The following ZNF451 variants were observed in gnomAD, a reference collection of about 807,000 sequenced individuals.
ZNF451 encodes the protein zinc finger protein 451, also known as E3 SUMO-protein ligase ZNF451.
In ZNF451, 80 loss-of-function variants were observed where a neutral mutation model predicts 107.1. The observed-to-expected ratio is 0.75, with a 90% CI of 0.62 to 0.90. ZNF451 has a LOEUF of 0.90. Ranked by LOEUF, ZNF451 falls within the 40% of genes least tolerant of loss-of-function variation. The pLI is 0.00. For synonymous variants in ZNF451, 362 were observed against 406.5 expected (o/e 0.89, Z 1.32); for missense variants, 1,107 against 1,236.2 (o/e 0.90, Z 1.57).
At chr6:57,160,507 G>C (rs1253148755) in intron 13 of ZNF451, among the ~76,000 whole-genome samples, 1 of 151,946 alleles carries the variant, frequency 6.6e-6, no homozygotes, top group Admixed American at 6.6e-5. Flanking sequence ...CTAATTTTTT[G>C]TATTTTTGGT....
intron 3 of ZNF451, among the ~76,000 whole-genome samples, chr6:57,122,286 C>G (rs984841142): frequency 2.0e-5 from 3 of 151,966 alleles, no homozygotes; most frequent in Admixed American, 1.3e-4. Context: ...AGAGGCAAAC[C>G]TAGGAAATAC....
intron 13 of ZNF451, among the ~76,000 whole-genome samples, chr6:57,157,885 T>C (rs138046334): frequency 4.3e-4 from 65 of 152,358 alleles, no homozygotes; most frequent in African/African-American, 1.5e-3. Flanking sequence ...AACTTTTTAA[T>C]TGAAAAAAGT....
chr6:57,111,180 C>G (rs529806327), intron 3 of ZNF451, among the ~76,000 whole-genome samples: 1 of 152,016 alleles, frequency 6.6e-6, no homozygotes. Context: ...TTTGGCCTCC[C>G]GAAGTGCTGG....
chr6:57,148,413 CAAAGA>C lies in ZNF451; in HGVS notation c.2334_2338del (p.Lys779Ter). The C allele has an allele frequency of 6.2e-7, 1 of 1,613,814 alleles. No individual in the cohort carries two copies. The highest frequency in any genetic ancestry group is 8.5e-7 in the Non-Finnish European group (1 of 1,179,860). On this transcript the variant is annotated frameshift_variant, in exon 10 of 15. Transcript: ENST00000370706. LOFTEE classifies it high-confidence loss of function. The stretch of plus-strand genomic sequence containing the variant: ...TGAACACTCATATCCATCAAGTGCA[CAAAGA>C]AAAGAGTGATGAGGAGGAGCAGCAG...
chr6:57,119,028 G>A (rs1830506110), intron 3 of ZNF451, among the ~76,000 whole-genome samples: 2 of 152,120 alleles, frequency 1.3e-5, no homozygotes, highest in South Asian at 4.1e-4. Flanking sequence ...CAAAGGTGTA[G>A]CCTCATACTG....
chr6:57,167,277 T>C (rs1346025322), intron 14 of ZNF451, among the ~76,000 whole-genome samples: 1 of 152,214 alleles, frequency 6.6e-6, no homozygotes, highest in South Asian at 2.1e-4. Context: ...ACCTTTGTTA[T>C]AAATCCAGTG....
intron 3 of ZNF451, chr6:57,108,680 A>G (rs1054039970): frequency 3.9e-5 from 38 of 985,208 alleles, no homozygotes; most frequent in South Asian, 2.3e-4. Context: ...AACAGCTTCT[A>G]TATATTCTGA....
intron 6 of ZNF451, among the ~76,000 whole-genome samples, chr6:57,133,613 TTAA>T (rs1831286517): frequency 6.6e-6 from 1 of 152,230 alleles, no homozygotes; most frequent in Non-Finnish European, 1.5e-5. Context: ...GTAAGCAAAA[TTAA>T]TAATAAAAAT....
chr6:57,104,029 A>G, intron 3 of ZNF451: 1 of 985,138 alleles, frequency 1.0e-6, no homozygotes, highest in Non-Finnish European at 1.2e-6. Context: ...AACTAGTCTT[A>G]ATAAAGGGGA....
chr6:57,126,695 C>G (rs1011698656), intron 4 of ZNF451: 1 of 152,056 alleles, frequency 6.6e-6, no homozygotes, highest in Non-Finnish European at 1.5e-5. Context: ...ACAAGGTGGA[C>G]AGATCACCTG....
intron 3 of ZNF451, among the ~76,000 whole-genome samples, chr6:57,112,141 G>C (rs1405821257): frequency 6.6e-6 from 1 of 152,106 alleles, no homozygotes; most frequent in East Asian, 1.9e-4. Flanking sequence ...GTGTTATTTG[G>C]GATACGGGTT....
intron 12 of ZNF451, among the ~76,000 whole-genome samples, chr6:57,153,073 C>T (rs374912550): frequency 1.7e-4 from 26 of 152,102 alleles, no homozygotes; most frequent in South Asian, 1.0e-3. Flanking sequence ...TGGGGACTTA[C>T]ATGTCACACT....
In ZNF451 at chr6:57,133,037, T is replaced by C; in HGVS notation, c.425-5T>C. On this transcript the variant is annotated splice_region_variant and splice_polypyrimidine_tract_variant and intron_variant, in intron 5 of 14. Coordinates refer to ENST00000370706, the MANE Select transcript of ZNF451 (RefSeq NM_001031623.3). ...AACCTAAGAATTCATATTCTGATGA[T>C]GCAGGACTCAAAACAGGCACAATTA... 1 of 1,614,072 alleles carries C rather than the reference T, an allele frequency of 6.2e-7. No homozygotes were observed. The highest frequency in any genetic ancestry group is 8.5e-7 in the Non-Finnish European group (1 of 1,179,948).
intron 2 of ZNF451, among the ~76,000 whole-genome samples, chr6:57,094,088 T>A (rs1007353252): frequency 3.3e-5 from 5 of 152,232 alleles, no homozygotes; most frequent in African/African-American, 1.2e-4. Context: ...TGTATTGATA[T>A]CTCTTTCCAA....
intron 1 of ZNF451, 102 bp downstream of exon 1, chr6:57,090,376 G>T: frequency 6.5e-7 from 1 of 1,534,532 alleles, no homozygotes; most frequent in Non-Finnish European, 8.8e-7. Context: ...GCCTCGGGGC[G>T]ATACCTCTTC....
intron 12 of ZNF451, among the ~76,000 whole-genome samples, chr6:57,153,495 C>T: frequency 6.6e-6 from 1 of 151,496 alleles, no homozygotes; most frequent in East Asian, 1.9e-4. Context: ...ACTTCTGCCT[C>T]CCGAGTTCAA....
intron 7 of ZNF451, among the ~76,000 whole-genome samples, chr6:57,138,611 A>C (rs530420163): frequency 3.5e-4 from 52 of 149,488 alleles, no homozygotes; most frequent in African/African-American, 1.2e-3. Flanking sequence ...ATGTAACCAG[A>C]AATATGGTAA....
At chr6:57,155,818 CTTTTTTTTTTT>C (rs528621372) in intron 13 of ZNF451, among the ~76,000 whole-genome samples, 1,080 of 107,294 alleles carry the variant, frequency 0.01, 17 homozygotes, top group African/African-American at 0.034. Context: ...TCTAGGTATT[CTTTTTTTTTTT>C]TTTTTTTTTT....
chr6:57,160,179 A>T (rs1255176152), intron 13 of ZNF451, among the ~76,000 whole-genome samples: 1 of 152,194 alleles, frequency 6.6e-6, no homozygotes, highest in Admixed American at 6.5e-5. Context: ...TATTAGTAAC[A>T]TCTTATGTTA....
Sources: gnomAD v4.1 joint callset for allele counts (sites outside exome capture counted in the v4.1 genomes callset) on GRCh38, gnomAD v4.1.1 for gene constraint, MANE v1.5 for transcripts, NCBI Gene and HGNC (gene_info 2026-07-23, HGNC 2026-07-21) for gene names.